OR3A1: variants seen among roughly 807,000 people sequenced by gnomAD.
OR3A1 encodes olfactory receptor family 3 subfamily A member 1.
For synonymous variants in OR3A1, 145 were observed against 160.0 expected, an observed-to-expected ratio of 0.91 and a Z score of 0.71; for missense variants, 402 against 393.8, an observed-to-expected ratio of 1.02 and a Z score of -0.18.
chr17:3,296,129 A>T (rs184048520), intron 1 of OR3A1, among the ~76,000 whole-genome samples: 9 of 152,298 alleles, frequency 5.9e-5, no homozygotes, highest in Non-Finnish European at 1.2e-4. Context: ...AATTCAGCAA[A>T]CTTCAAAAGA....
Position 3,292,034 on chromosome 17 carries a change from G to A in OR3A1, c.549C>T (p.Asp183=). 6.2e-7 allele frequency: 1 copy of A among 1,614,224 alleles called. No individual in the cohort carries two copies. Among genetic ancestry groups the A allele is most frequent in the Non-Finnish European group, 8.5e-7 (1 of 1,180,044 alleles). ...AGGAGAGCTGGAAGAGCTGTGGGAG[G>A]TCACAGTAGAAGTGATTGATCACAT... ...GPNVINHFYC[D]LPQLFQLSCS... Residue 183 remains aspartate, a synonymous_variant, in exon 2 of 2, where the codon GAC becomes GAT. Transcript: ENST00000323404.
chr17:3,298,018 G>A (rs865909929), intron 1 of OR3A1, among the ~76,000 whole-genome samples: 5 of 151,958 alleles, frequency 3.3e-5, no homozygotes, highest in Middle Eastern at 3.2e-3. Flanking sequence ...AGATAGATGG[G>A]GTGGTTCTGA....
chr17:3,294,003 G>A (rs1471847327), intron 1 of OR3A1, among the ~76,000 whole-genome samples: 1 of 152,230 alleles, frequency 6.6e-6, no homozygotes, highest in African/African-American at 2.4e-5. Context: ...GCTAATGCAT[G>A]CTGGGCTTAA....
At position 3,291,741 on chromosome 17, in the gene OR3A1, T is replaced by C. The variant is rs147394862; in HGVS notation, c.842A>G (p.Asn281Ser). ...GTTCAGCATGGGATTGATGACAGTG[T>C]TGAAAATTCCAACAGCTTTATCCTT... Reference protein sequence around the residue: ...SDKDKAVGIFNTVINPMLNPI... With the variant: ...SDKDKAVGIFSTVINPMLNPI... The change falls in exon 2 of 2, where the codon AAC becomes AGC. Residue 281 changes from asparagine to serine, a missense_variant. Asn to Ser is a conservative substitution (Grantham distance 46, BLOSUM62 1). Transcript: ENST00000323404. The C allele has an allele frequency of 1.7e-5, 28 of 1,613,604 alleles. No individual in the cohort carries two copies. Among genetic ancestry groups the C allele is most frequent in the Non-Finnish European group, 2.2e-5 (26 of 1,179,668 alleles).
In OR3A1 at chr17:3,292,353, A is replaced by G. The variant is rs1170389139; in HGVS notation, c.230T>C (p.Ile77Thr). Residue 77 changes from isoleucine (I) to threonine (T), a missense_variant, in exon 2 of 2, where the codon ATC becomes ACC. Ile to Thr is a moderately conservative substitution (Grantham distance 89). Coordinates refer to ENST00000323404, the MANE Select transcript of OR3A1 (RefSeq NM_002550.3). ...CAACATTGATGGAACAGTGACGCTG[A>G]TGCACCCAACATCCAGCACTGATAG... is the stretch of plus-strand genomic sequence containing the variant. ...GNLSVLDVGC[I>T]SVTVPSMLSR... The G allele has an allele frequency of 6.2e-7, 1 of 1,613,974 alleles. No homozygotes were observed. The highest frequency in any genetic ancestry group is 2.2e-5 in the East Asian group (1 of 44,892).
chr17:3,295,570 A>G (rs186620697), intron 1 of OR3A1, among the ~76,000 whole-genome samples: 1 of 152,240 alleles, frequency 6.6e-6, no homozygotes, highest in East Asian at 1.9e-4. Flanking sequence ...ATAACATAAC[A>G]GAACAAAATT....
chr17:3,293,523 T>A (rs2048894610), intron 1 of OR3A1, among the ~76,000 whole-genome samples: 1 of 152,196 alleles, frequency 6.6e-6, no homozygotes, highest in African/African-American at 2.4e-5. Flanking sequence ...GAATATCTAG[T>A]TTGGCAAAAA....
At position 3,291,095 on chromosome 17, in the gene OR3A1, T is replaced by C. The variant is rs1343283686; in HGVS notation, c.*540A>G. ...CAGCTTCCCCTCTGTCCCCTGTCTA[T>C]GCTATGGGGTCCTTGTTTAATGGGA... is the stretch of plus-strand genomic sequence containing the variant. On this transcript the variant is annotated 3_prime_UTR_variant, in exon 2 of 2. Transcript: ENST00000323404. The C allele has an allele frequency of 6.6e-6, 1 of 152,584 alleles. No individual in the cohort carries two copies. The highest frequency in any genetic ancestry group is 2.4e-5 in the African/African-American group (1 of 41,458). 9.5% of individuals were successfully genotyped at this position (152,584 alleles called of 1,614,324 possible).
intron 1 of OR3A1, among the ~76,000 whole-genome samples, chr17:3,294,949 T>C (rs2048907401): frequency 6.6e-6 from 1 of 152,036 alleles, no homozygotes; most frequent in Non-Finnish European, 1.5e-5. Flanking sequence ...TTCAGAGTTT[T>C]GTTTTGTTTG....
chr17:3,296,982 T>G (rs2048923905), intron 1 of OR3A1, among the ~76,000 whole-genome samples: 1 of 152,236 alleles, frequency 6.6e-6, no homozygotes, highest in Non-Finnish European at 1.5e-5. Flanking sequence ...TTTCTTTCAC[T>G]CTCTGCTCCC....
At chr17:3,294,192 TAAG>T (rs776995612) in intron 1 of OR3A1, among the ~76,000 whole-genome samples, 12 of 151,062 alleles carry the variant, frequency 7.9e-5, no homozygotes, top group African/African-American at 1.2e-4. Context: ...AAAAAAAACT[TAAG>T]GAGGCATTTT....
chr17:3,294,309 G>A (rs1251907822), intron 1 of OR3A1, among the ~76,000 whole-genome samples: 2 of 151,622 alleles, frequency 1.3e-5, no homozygotes, highest in Non-Finnish European at 2.9e-5. Flanking sequence ...AGATGTTAAA[G>A]AAATGTAAAA....
chr17:3,293,995 T>C (rs2048899101), intron 1 of OR3A1, among the ~76,000 whole-genome samples: 1 of 152,032 alleles, frequency 6.6e-6, no homozygotes, highest in Non-Finnish European at 1.5e-5. Flanking sequence ...GGAAAAGAGC[T>C]AATGCATGCT....
chr17:3,291,635 T>A lies in OR3A1; in HGVS notation c.948A>T (p.Ter316CysextTer5). The change falls in exon 2 of 2, where the codon TGA becomes TGT. Residue 316 changes from the stop codon to cysteine, a stop_lost. Transcript: ENST00000323404. ...GGAGAAAGGGTCAATTGAGACCTCC[T>A]CAAGCCAGTGACCGCCTCCCTGTGA... ...RMLTGRRSLA[*>C] The A allele has an allele frequency of 6.3e-7, 1 of 1,593,612 alleles. No homozygotes were observed.
At position 3,291,735 on chromosome 17, in the gene OR3A1, A is replaced by C. The variant is rs2048869633; in HGVS notation, c.848T>G (p.Val283Gly). Residue 283 changes from valine to glycine, a missense_variant, in exon 2 of 2, where the codon GTC (valine) becomes GGC (glycine). Physicochemically the swap from Val to Gly is moderately radical, Grantham distance 109 (BLOSUM62 -3). Transcript: ENST00000323404. Reference sequence around the variant, plus strand: ...GATTGGGTTCAGCATGGGATTGATGACAGTGTTGAAAATTCCAACAGCTTT... The same window carrying C: ...GATTGGGTTCAGCATGGGATTGATGCCAGTGTTGAAAATTCCAACAGCTTT... ...KDKAVGIFNT[V>G]INPMLNPIIY... The C allele has an allele frequency of 1.2e-6, 2 of 1,613,786 alleles. No homozygotes were observed. The highest frequency in any genetic ancestry group is 4.5e-5 in the East Asian group (2 of 44,860).
rs768483891 is a variant in OR3A1, at chr17:3,292,014, A to G, written c.569T>C (p.Leu190Pro). The G allele has an allele frequency of 6.2e-7, 1 of 1,614,172 alleles. No homozygotes were observed. Among genetic ancestry groups the G allele is most frequent in the East Asian group, 2.2e-5 (1 of 44,880 alleles). ...ATTGAGTTGGGTGCTGGAGCAGGAGAGCTGGAAGAGCTGTGGGAGGTCACA... is the reference window on the plus strand; with the variant it reads ...ATTGAGTTGGGTGCTGGAGCAGGAGGGCTGGAAGAGCTGTGGGAGGTCACA... ...FYCDLPQLFQ[L>P]SCSSTQLNEL... Residue 190 changes from leucine to proline, a missense_variant, in exon 2 of 2, where the codon CTC becomes CCC. Transcript: ENST00000323404.
Position 3,291,957 on chromosome 17 carries a change from A to G in OR3A1, c.626T>C (p.Met209Thr), listed in dbSNP as rs2048874691. The G allele has an allele frequency of 1.2e-6, 2 of 1,614,224 alleles. No individual in the cohort carries two copies. ...ELLLFAVGFI[M>T]AGTPMALIVI... Reference sequence around the variant, plus strand: ...AATGAGAGCCATGGGGGTACCTGCCATTATAAAACCCACAGCAAAAAGCAG... The same window carrying G: ...AATGAGAGCCATGGGGGTACCTGCCGTTATAAAACCCACAGCAAAAAGCAG... The change falls in exon 2 of 2, where the codon ATG (methionine) becomes ACG (threonine). Residue 209 changes from methionine to threonine, a missense_variant. By Grantham distance (81) the Met-to-Thr change is moderately conservative. Transcript: ENST00000323404.
intron 1 of OR3A1, among the ~76,000 whole-genome samples, chr17:3,292,843 G>A (rs2048888490): frequency 6.6e-6 from 1 of 151,952 alleles, no homozygotes; most frequent in Non-Finnish European, 1.5e-5. Flanking sequence ...CCGCCCCCCA[G>A]CTGCAAGAAC....
chr17:3,297,377 T>C (rs1341257808), intron 1 of OR3A1, among the ~76,000 whole-genome samples: 1 of 152,228 alleles, frequency 6.6e-6, no homozygotes, highest in Non-Finnish European at 1.5e-5. Context: ...ACTCAGGTTG[T>C]AAGGTTTTAC....
Sources: gnomAD v4.1 joint callset for allele counts (sites outside exome capture counted in the v4.1 genomes callset) on GRCh38, gnomAD v4.1.1 for gene constraint, MANE v1.5 for transcripts, NCBI Gene and HGNC (gene_info 2026-07-23, HGNC 2026-07-21) for gene names.